The following PDE8B variants were observed in gnomAD, a reference collection of about 807,000 sequenced individuals.
The protein encoded by PDE8B is phosphodiesterase 8B.
A neutral mutation model predicts 101.3 loss-of-function variants in PDE8B; 26 were observed. That is an observed-to-expected ratio of 0.26 (90% CI 0.19 to 0.36). PDE8B has a LOEUF of 0.36. Ranked by LOEUF, PDE8B falls within the 10% of genes least tolerant of loss-of-function variation. The pLI, the probability that PDE8B is intolerant of heterozygous loss-of-function variation, is 1.00. For synonymous variants in PDE8B, 424 were observed against 429.3 expected (o/e 0.99, Z 0.15); for missense variants, 810 against 1,163.1 (o/e 0.70, Z 4.42).
chr5:77,092,280 G>T, the PDE8B span, among the ~76,000 whole-genome samples: 2,522 of 151,634 alleles, frequency 0.017, 76 homozygotes, highest in African/African-American at 0.056. Flanking sequence ...TTAAATTTTC[G>T]TGTAATCAGA....
the PDE8B span, chr5:77,165,268 AATTT>A: frequency 1.3e-5 from 2 of 152,236 alleles, no homozygotes; most frequent in Non-Finnish European, 2.9e-5. Flanking sequence ...TTTTCAATAT[AATTT>A]ATTTAATTAC....
the PDE8B span, among the ~76,000 whole-genome samples, chr5:77,162,005 A>C: frequency 4.3e-4 from 66 of 151,812 alleles, no homozygotes; most frequent in South Asian, 4.4e-3. Context: ...ATGTGAGGAA[A>C]ATATAATCAT....
chr5:77,378,041 C>A (rs923848733), intron 10 of PDE8B, among the ~76,000 whole-genome samples: 1 of 136,742 alleles, frequency 7.3e-6, no homozygotes, highest in Non-Finnish European at 1.6e-5. Flanking sequence ...CACACACACA[C>A]ACACACACCC....
intron 1 of PDE8B, among the ~76,000 whole-genome samples, chr5:77,264,962 C>T (rs1404196530): frequency 6.6e-6 from 1 of 152,180 alleles, no homozygotes; most frequent in Admixed American, 6.5e-5. Flanking sequence ...TGAAGTGCAT[C>T]TCTTTCCTAG....
At chr5:77,151,394 A>C in the PDE8B span, 1 of 152,238 alleles carries the variant, frequency 6.6e-6, no homozygotes, top group Non-Finnish European at 1.5e-5. Flanking sequence ...TAAGCTATTG[A>C]GACTCAGGGA....
chr5:77,423,087 C>G (rs1797035229), intron 20 of PDE8B, among the ~76,000 whole-genome samples: 1 of 152,148 alleles, frequency 6.6e-6, no homozygotes, highest in African/African-American at 2.4e-5. Context: ...GTTTAGCTAC[C>G]ACTTCTAAGA....
At chr5:77,291,748 G>A (rs1767401420) in intron 1 of PDE8B, 1 of 1,587,108 alleles carries the variant, frequency 6.3e-7, no homozygotes, top group Non-Finnish European at 8.6e-7. Context: ...AGGTCTACTT[G>A]TACTATCAAC....
chr5:77,248,309 A>G (rs1171900657), intron 1 of PDE8B, among the ~76,000 whole-genome samples: 1 of 152,248 alleles, frequency 6.6e-6, no homozygotes, highest in African/African-American at 2.4e-5. Flanking sequence ...TGGAAGTCAT[A>G]GCAAATATTG....
the PDE8B span, among the ~76,000 whole-genome samples, chr5:77,158,572 G>T: frequency 6.6e-6 from 1 of 152,204 alleles, no homozygotes; most frequent in South Asian, 2.1e-4. Context: ...AAGGACATCT[G>T]GTTGATTCTG....
At chr5:77,201,377 G>A in the PDE8B span, among the ~76,000 whole-genome samples, 2 of 152,202 alleles carry the variant, frequency 1.3e-5, no homozygotes, top group African/African-American at 4.8e-5. Context: ...TATTGAACAT[G>A]TACCATTTCT....
At position 77,211,102 on chromosome 5, in the gene PDE8B, G is replaced by C. The variant is rs1486425201; in HGVS notation, c.177G>C (p.Ser59=). The change falls in exon 1 of 22, where the codon TCG becomes TCC. Residue 59 remains serine (S), a synonymous_variant. Coordinates refer to ENST00000264917, the MANE Select transcript of PDE8B (RefSeq NM_003719.5). This position sits in a 1 kb window ranked among gnomAD's most constrained non-coding sequence, Gnocchi z 4.1. ...ACGCCATCCCCCCGAGCCGCGCGTC[G>C]GGACCCCCCAGCGTAGCCCGCGTCC... is the stretch of plus-strand genomic sequence containing the variant. ...AADAIPPSRA[S]GPPSVARVRR... 1 of 1,492,338 alleles carries C rather than the reference G, an allele frequency of 6.7e-7. No individual in the cohort carries two copies. Among genetic ancestry groups the C allele is most frequent in the South Asian group, 1.3e-5 (1 of 79,706 alleles). 92.4% of individuals were successfully genotyped at this position (1,492,338 alleles called of 1,614,324 possible).
chr5:77,269,634 T>C (rs1320537149), intron 1 of PDE8B, among the ~76,000 whole-genome samples: 10 of 152,310 alleles, frequency 6.6e-5, no homozygotes, highest in Non-Finnish European at 1.3e-4. Context: ...TTTAATCCAT[T>C]TTGATTTGAT....
At chr5:77,336,341 A>G (rs921910178) in intron 5 of PDE8B, among the ~76,000 whole-genome samples, 2 of 152,138 alleles carry the variant, frequency 1.3e-5, no homozygotes, top group African/African-American at 4.8e-5. Flanking sequence ...GCAAAAAGCC[A>G]TTTTCATCAT....
chr5:77,176,905 G>T, the PDE8B span, among the ~76,000 whole-genome samples: 756 of 152,272 alleles, frequency 5.0e-3, 9 homozygotes, highest in African/African-American at 0.017. Context: ...TTCACTATGC[G>T]ATTTTAGATA....
chr5:77,248,554 G>A (rs746851314), intron 1 of PDE8B, among the ~76,000 whole-genome samples: 6 of 152,130 alleles, frequency 3.9e-5, no homozygotes, highest in Non-Finnish European at 5.9e-5. Flanking sequence ...TATCACTACA[G>A]GGAAAAAGTC....
chr5:77,335,595 T>C (rs1283497002), intron 5 of PDE8B, among the ~76,000 whole-genome samples: 4 of 150,912 alleles, frequency 2.7e-5, no homozygotes, highest in Non-Finnish European at 1.5e-5. Flanking sequence ...AGGAGAGGGA[T>C]TGATTTTTTT....
At chr5:77,208,418 C>G (rs1382880), upstream of PDE8B, among the ~76,000 whole-genome samples, 73,788 of 152,088 alleles carry the variant, frequency 0.49, 21,179 homozygotes, top group East Asian at 0.87. Context: ...CTTTAGGAAT[C>G]ATTAAACCCT....
the PDE8B span, chr5:77,113,504 A>G: frequency 6.6e-6 from 1 of 152,242 alleles, no homozygotes; most frequent in Non-Finnish European, 1.5e-5. Flanking sequence ...ACTGTATACA[A>G]AAGTTAACTC....
rs141707125 is a variant in PDE8B at position 77,353,612 on chromosome 5, C to T, written c.1167+206C>T. Reference sequence around the variant, plus strand: ...ATATCACTTTATTTGTAGTGCACATCGGTTATGATTTAGCTTGTGGCTGAG... The same window carrying T: ...ATATCACTTTATTTGTAGTGCACATTGGTTATGATTTAGCTTGTGGCTGAG... On this transcript the variant is annotated intron_variant, in intron 10 of 21. Coordinates refer to ENST00000264917, the MANE Select transcript of PDE8B (RefSeq NM_003719.5). Among the ~76,000 whole-genome samples the T allele has an allele frequency of 1.3e-3, 201 of 152,148 alleles. 1 individual carries two copies. Among genetic ancestry groups the T allele is most frequent in the African/African-American group, 4.6e-3 (189 of 41,526 alleles).
Sources: allele counts gnomAD v4.1 joint callset (sites outside exome capture counted in the v4.1 genomes callset), GRCh38; gene constraint gnomAD v4.1.1; non-coding constraint Gnocchi (gnomAD v3.1); transcripts MANE v1.5; gene names NCBI Gene and HGNC (gene_info 2026-07-23, HGNC 2026-07-21).